The following CAMTA1 variants were observed in gnomAD, a reference collection of about 807,000 sequenced individuals.
CAMTA1 encodes the protein calmodulin binding transcription activator 1.
In CAMTA1, 27 loss-of-function variants were observed where a neutral mutation model predicts 170.9. The observed-to-expected ratio is 0.16, with a 90% CI of 0.12 to 0.22. The LOEUF (loss-of-function observed/expected upper bound fraction) is 0.22, where lower values mean the gene tolerates loss of function less well. Among genes scored for constraint, CAMTA1 ranks in the 10% least tolerant of loss-of-function variants. The pLI is 1.00. For missense variants in CAMTA1, 1,619 were observed against 2,217.2 expected, an observed-to-expected ratio of 0.73 and a Z score of 5.42; for synonymous variants, 833 against 891.5, an observed-to-expected ratio of 0.93 and a Z score of 1.17.
At chr1:7,205,568 A>AT (rs1465882229) in intron 4 of CAMTA1, among the ~76,000 whole-genome samples, 2 of 152,106 alleles carry the variant, frequency 1.3e-5, no homozygotes, top group Non-Finnish European at 2.9e-5. Flanking sequence ...CTCTTGCAAC[A>AT]TTTTTTTAAA....
intron 3 of CAMTA1, among the ~76,000 whole-genome samples, chr1:6,839,719 T>G (rs1399091718): frequency 6.6e-6 from 1 of 152,152 alleles, no homozygotes; most frequent in African/African-American, 2.4e-5. Context: ...GCCAGCTACT[T>G]GAGTATCTGG....
At chr1:7,140,285 A>G (rs1645815142) in intron 4 of CAMTA1, among the ~76,000 whole-genome samples, 1 of 152,234 alleles carries the variant, frequency 6.6e-6, no homozygotes, top group Admixed American at 6.5e-5. Flanking sequence ...TTAATTGCAG[A>G]AAACATGCAA....
chr1:6,966,970 G>T (rs1054408213), intron 3 of CAMTA1, among the ~76,000 whole-genome samples: 1 of 151,446 alleles, frequency 6.6e-6, no homozygotes, highest in Non-Finnish European at 1.5e-5. Context: ...GACTGGGCAC[G>T]GTGGCTCACG....
rs2096312603 is a variant in CAMTA1 at position 7,691,598 on chromosome 1, G to T, written c.2914+13865G>T. Among the ~76,000 whole-genome samples, 4 of 152,128 alleles carry T rather than the reference G, an allele frequency of 2.6e-5. No homozygotes were observed. The South Asian group carries it at 8.3e-4, about 32-fold the overall frequency. On this transcript the variant is annotated intron_variant, in intron 11 of 22. Coordinates refer to ENST00000303635, the MANE Select transcript of CAMTA1 (RefSeq NM_015215.4). ...ATGGCATCAGGAGGTCTTGTGGGTG[G>T]ATTCACTATGGAGGCTCCATGTCAT... is the stretch of plus-strand genomic sequence containing the variant.
In CAMTA1 at chr1:7,737,835, T is replaced by C; in HGVS notation, c.3659-124T>C. 3.1e-6 allele frequency: 3 copies of C among 963,800 alleles called. No individual in the cohort carries two copies. In the South Asian group the frequency reaches 4.9e-5, roughly 16 times the overall value. The allele number at this position is 963,800 out of a possible 1,614,324, so 59.7% of individuals were successfully genotyped here. ...GTATGCTACTGGGGATATTTAAATG[T>C]TAGGGACGTGTCTTGAGTTCCGGCT... On this transcript the variant is annotated intron_variant, in intron 15 of 22. Transcript: ENST00000303635.
intron 4 of CAMTA1, among the ~76,000 whole-genome samples, chr1:7,199,756 G>A (rs1428198883): frequency 6.6e-6 from 1 of 151,754 alleles, no homozygotes; most frequent in Non-Finnish European, 1.5e-5. Context: ...GGGGAGGGAG[G>A]GTGGGGAGTG....
chr1:7,568,733 A>T (rs994136859), intron 6 of CAMTA1, among the ~76,000 whole-genome samples: 42 of 149,292 alleles, frequency 2.8e-4, no homozygotes, highest in Admixed American at 1.4e-3. Context: ...CAACATCAAC[A>T]TCACCATCCT....
In CAMTA1 at chr1:7,680,579, G is replaced by C. The variant is rs2096182989; in HGVS notation, c.2914+2846G>C. On this transcript the variant is annotated intron_variant, in intron 11 of 22. Coordinates refer to ENST00000303635, the MANE Select transcript of CAMTA1 (RefSeq NM_015215.4). This position sits in a 1 kb window ranked among gnomAD's most constrained non-coding sequence, Gnocchi z 4.4. ...AGGGACTGCGAGGACCGCGGGACTA[G>C]GAAGGCCTGAGCCCGGCCACCCGCC... is the stretch of plus-strand genomic sequence containing the variant. Among the ~76,000 whole-genome samples, 1 of 151,936 alleles carries C rather than the reference G, an allele frequency of 6.6e-6. No individual in the cohort carries two copies. The highest frequency in any genetic ancestry group is 2.4e-5 in the African/African-American group (1 of 41,406).
At chr1:7,606,882 C>T (rs1166082573) in intron 6 of CAMTA1, among the ~76,000 whole-genome samples, 3 of 152,174 alleles carry the variant, frequency 2.0e-5, no homozygotes, top group Admixed American at 2.0e-4. Flanking sequence ...CTGCAGGATC[C>T]TTAGATGCTG....
rs889597373 is a variant in CAMTA1, at chr1:7,251,804, TC to T, written c.438+2180del. 2.0e-5 allele frequency among the ~76,000 whole-genome samples: 3 copies of T among 152,144 alleles called. No individual in the cohort carries two copies. The highest frequency in any genetic ancestry group is 7.2e-5 in the African/African-American group (3 of 41,424). On this transcript the variant is annotated intron_variant, in intron 5 of 22. Coordinates refer to ENST00000303635, the MANE Select transcript of CAMTA1 (RefSeq NM_015215.4). The surrounding 1 kb of genome is among the most constrained non-coding windows in gnomAD (Gnocchi z 5.1). ...GTGGGCTGGAATGGTCAGAGACACT[TC>T]CTAGGTCAGATGGGATACAAGCTGA...
rs1487718639 is a variant in CAMTA1, at chr1:7,203,576, A to T, written c.303-45915A>T. ...TTCAGACCATCTATTTTTTTTCTTG[A>T]GTCAGTTTTAGTAGTTTGGGGTCTT... On this transcript the variant is annotated intron_variant, in intron 4 of 22. Transcript: ENST00000303635. Among the ~76,000 whole-genome samples the T allele has an allele frequency of 1.3e-4, 19 of 141,048 alleles. No individual in the cohort carries two copies. In the South Asian group the frequency reaches 4.1e-3, roughly 30 times the overall value. The allele number at this position is 141,048 out of a possible 152,430, so 92.5% of individuals were successfully genotyped here.
chr1:7,452,598 T>G (rs1465901301), intron 5 of CAMTA1, among the ~76,000 whole-genome samples: 1 of 152,204 alleles, frequency 6.6e-6, no homozygotes, highest in Non-Finnish European at 1.5e-5. Flanking sequence ...CTTCAGAATG[T>G]TTCCTAGGAA....
At chr1:7,444,267 C>A (rs980521199) in intron 5 of CAMTA1, among the ~76,000 whole-genome samples, 2 of 152,220 alleles carry the variant, frequency 1.3e-5, no homozygotes, top group African/African-American at 4.8e-5. Flanking sequence ...GAAACAGAAA[C>A]CCTCTTTGCC....
chr1:7,104,429 C>A (rs1573078586), intron 4 of CAMTA1, among the ~76,000 whole-genome samples: 1 of 152,116 alleles, frequency 6.6e-6, no homozygotes, highest in African/African-American at 2.4e-5. Context: ...TGTAAGAAGT[C>A]TCTGGGAAAA....
At chr1:7,418,005 A>G (rs778322505) in intron 5 of CAMTA1, among the ~76,000 whole-genome samples, 5 of 151,396 alleles carry the variant, frequency 3.3e-5, no homozygotes, top group Non-Finnish European at 7.4e-5. Flanking sequence ...CAGGACCCTC[A>G]CCTCCTTGGC....
chr1:7,378,768 T>TA (rs1244530483), intron 5 of CAMTA1, among the ~76,000 whole-genome samples: 12 of 151,406 alleles, frequency 7.9e-5, no homozygotes, highest in East Asian at 3.9e-4. Flanking sequence ...TTACTTCAAT[T>TA]AAAAAAAAAT....
At chr1:7,687,710 C>G (rs1413089394) in intron 11 of CAMTA1, among the ~76,000 whole-genome samples, 1 of 152,210 alleles carries the variant, frequency 6.6e-6, no homozygotes, top group Non-Finnish European at 1.5e-5. Flanking sequence ...AGGGCAGCTT[C>G]TGTGTCCCTG....
At chr1:7,398,517 T>C (rs2089623645) in intron 5 of CAMTA1, among the ~76,000 whole-genome samples, 1 of 151,976 alleles carries the variant, frequency 6.6e-6, no homozygotes, top group Non-Finnish European at 1.5e-5. Flanking sequence ...CTGAATCTCT[T>C]GTAGGCAGCA....
intron 4 of CAMTA1, among the ~76,000 whole-genome samples, chr1:7,201,311 T>A (rs776700811): frequency 6.6e-6 from 1 of 152,270 alleles, no homozygotes; most frequent in Non-Finnish European, 1.5e-5. Flanking sequence ...ATAACTCATT[T>A]GGCTATTATT....
Sources: allele counts gnomAD v4.1 joint callset (sites outside exome capture counted in the v4.1 genomes callset), GRCh38; gene constraint gnomAD v4.1.1; non-coding constraint Gnocchi (gnomAD v3.1); transcripts MANE v1.5; gene names NCBI Gene and HGNC (gene_info 2026-07-23, HGNC 2026-07-21).